NRG1: variants seen among roughly 807,000 people sequenced by gnomAD.
NRG1 encodes the protein neuregulin 1.
A neutral mutation model predicts 63.8 loss-of-function variants in NRG1; 18 were observed. That is an observed-to-expected ratio of 0.28 (90% confidence interval 0.19 to 0.42). The LOEUF is 0.42. Among genes scored for constraint, NRG1 ranks in the 10% least tolerant of loss-of-function variants. The pLI, the probability that NRG1 is intolerant of heterozygous loss-of-function variation, is 1.00. For missense variants in NRG1, 762 were observed against 814.7 expected, an observed-to-expected ratio of 0.94 and a Z score of 0.79; for synonymous variants, 302 against 301.3, an observed-to-expected ratio of 1.00 and a Z score of -0.02.
chr8:32,131,222 A>G (rs1834778075), intron 1 of NRG1, among the ~76,000 whole-genome samples: 3 of 152,092 alleles, frequency 2.0e-5, no homozygotes, highest in African/African-American at 7.2e-5. Flanking sequence ...TTGAAAAATA[A>G]AACATGCTTA....
chr8:32,312,642 C>T (rs796324083), intron 1 of NRG1, among the ~76,000 whole-genome samples: 10 of 152,128 alleles, frequency 6.6e-5, no homozygotes, highest in African/African-American at 2.4e-4. Flanking sequence ...CACGAGAGAC[C>T]GTCTTGCTCC....
exon 1 of NRG1, chr8:32,548,558 C>CGCGCT (rs1332945059): frequency 7.1e-6 from 9 of 1,263,012 alleles, no homozygotes; most frequent in Non-Finnish European, 7.9e-6. Context: ...GCGTCCGCGC[C>CGCGCT]GCGCTCCCTG....
chr8:31,823,406 A>G (rs1824200863), intron 1 of NRG1, among the ~76,000 whole-genome samples: 2 of 151,936 alleles, frequency 1.3e-5, no homozygotes, highest in South Asian at 4.1e-4. Context: ...AATTGTGTGA[A>G]CTATAGTTCA....
Position 31,691,215 on chromosome 8 carries a change from ATCTG to A in NRG1, c.37+51788_37+51791del, listed in dbSNP as rs1358874789. On this transcript the variant is annotated intron_variant, in intron 1 of 10. Transcript: ENST00000519301. ...GTAGCAAATGACAAAGGGGAATTTT[ATCTG>A]TCTATGTAGAATAAATTAAAAGGTG... Among the ~76,000 whole-genome samples the A allele has an allele frequency of 6.6e-5, 10 of 152,208 alleles. 1 individual carries two copies. Among genetic ancestry groups the A allele is most frequent in the Admixed American group, 6.5e-4 (10 of 15,282 alleles).
In NRG1 at chr8:32,074,581, G is replaced by A. The variant is rs145540965; in HGVS notation, c.37+435150G>A. Among the ~76,000 whole-genome samples, 527 of 152,128 alleles carry A rather than the reference G, an allele frequency of 3.5e-3. 7 individuals are homozygous for A. Among genetic ancestry groups the A allele is most frequent in the African/African-American group, 0.012 (495 of 41,530 alleles). On this transcript the variant is annotated intron_variant, in intron 1 of 10. Transcript: ENST00000519301. ...TTCCTCAAGATTCTTAGGGCAGTGC[G>A]TGTGGGTCAGGGGTAGGTGTGTCTG...
intron 1 of NRG1, among the ~76,000 whole-genome samples, chr8:32,138,829 G>A (rs1258754158): frequency 2.0e-5 from 3 of 151,862 alleles, no homozygotes; most frequent in Non-Finnish European, 4.4e-5. Flanking sequence ...CACCCACCTC[G>A]GCCTCCCTAG....
rs993902217 is a variant in NRG1 at position 31,927,452 on chromosome 8, T to A, written c.37+288021T>A. On this transcript the variant is annotated intron_variant, in intron 1 of 10. Coordinates refer to the NRG1 transcript ENST00000519301. ...CAGAGAAAACTACTTTTTTTTTTTTTTTTTTTTTTTTTTTGAGACGGAGTC... is the reference window on the plus strand; with the variant it reads ...CAGAGAAAACTACTTTTTTTTTTTTATTTTTTTTTTTTTTGAGACGGAGTC... Among the ~76,000 whole-genome samples, 984 of 133,094 alleles carry A rather than the reference T, an allele frequency of 7.4e-3. 11 individuals are homozygous for A. Among genetic ancestry groups the A allele is most frequent in the African/African-American group, 0.027 (947 of 35,218 alleles). 87.3% of individuals were successfully genotyped at this position (133,094 alleles called of 152,430 possible).
chr8:32,760,439 G>A, intron 11 of NRG1, 33 bp downstream of exon 11: 1 of 1,611,158 alleles, frequency 6.2e-7, no homozygotes, highest in Non-Finnish European at 8.5e-7. Context: ...CTGCAGAGGA[G>A]AAACTCAGTC....
At position 32,209,911 on chromosome 8, in the gene NRG1, A is replaced by G. The variant is rs568073936; in HGVS notation, c.38-385917A>G. Among the ~76,000 whole-genome samples, 21 of 152,280 alleles carry G rather than the reference A, an allele frequency of 1.4e-4. No individual in the cohort carries two copies. The South Asian group carries it at 4.4e-3, about 32-fold the overall frequency. Reference sequence around the variant, plus strand: ...CCTTCAGCTTCTGGGTCTCTTTGTTATACAGGAAAGGAAGTCAACTGGGGT... The same window carrying G: ...CCTTCAGCTTCTGGGTCTCTTTGTTGTACAGGAAAGGAAGTCAACTGGGGT... On this transcript the variant is annotated intron_variant, in intron 1 of 10. Transcript: ENST00000519301.
chr8:31,895,446 G>A (rs1424411031), intron 1 of NRG1, among the ~76,000 whole-genome samples: 2 of 152,222 alleles, frequency 1.3e-5, no homozygotes, highest in Non-Finnish European at 2.9e-5. Context: ...TGGCTTTGTT[G>A]ATGGTAAAAT....
intron 1 of NRG1, among the ~76,000 whole-genome samples, chr8:32,014,012 G>A (rs1260692344): frequency 6.6e-6 from 1 of 152,122 alleles, no homozygotes; most frequent in African/African-American, 2.4e-5. Flanking sequence ...GATGATGGCT[G>A]TATTTCTCAG....
chr8:32,135,485 G>T (rs1835389541), intron 1 of NRG1, among the ~76,000 whole-genome samples: 1 of 151,978 alleles, frequency 6.6e-6, no homozygotes, highest in Non-Finnish European at 1.5e-5. Context: ...ATTTGTTAAA[G>T]AACTGGCTTA....
intron 1 of NRG1, among the ~76,000 whole-genome samples, chr8:32,264,538 G>A (rs980506376): frequency 6.6e-6 from 1 of 152,172 alleles, no homozygotes; most frequent in Non-Finnish European, 1.5e-5. Context: ...AACCAGCTGT[G>A]AAGACACTGC....
chr8:31,864,295 A>G (rs1020203411), intron 1 of NRG1, among the ~76,000 whole-genome samples: 3 of 152,196 alleles, frequency 2.0e-5, no homozygotes, highest in Non-Finnish European at 4.4e-5. Flanking sequence ...CTTCCCTCAT[A>G]GAGCTTACCT....
chr8:32,472,129 G>A (rs1245674288), intron 1 of NRG1, among the ~76,000 whole-genome samples: 1 of 152,084 alleles, frequency 6.6e-6, no homozygotes, highest in Non-Finnish European at 1.5e-5. Flanking sequence ...GTAGGGAGAG[G>A]GGAATGGGAA....
At chr8:32,694,698 G>A (rs1347330150) in intron 5 of NRG1, among the ~76,000 whole-genome samples, 2 of 152,222 alleles carry the variant, frequency 1.3e-5, no homozygotes, top group Non-Finnish European at 2.9e-5. Context: ...ATGTGTGAGA[G>A]AGAGGGAGAG....
chr8:32,603,479 T>C (rs1340376425), intron 2 of NRG1, among the ~76,000 whole-genome samples: 2 of 152,066 alleles, frequency 1.3e-5, no homozygotes, highest in Non-Finnish European at 2.9e-5. Context: ...GCAGTTAACT[T>C]TTCTTTTTCT....
chr8:31,737,789 A>G (rs906976602), intron 1 of NRG1, among the ~76,000 whole-genome samples: 1 of 152,068 alleles, frequency 6.6e-6, no homozygotes, highest in Non-Finnish European at 1.5e-5. Context: ...CTAGTCCCCT[A>G]AGATTTGACA....
chr8:32,258,558 C>A (rs1172521331), intron 1 of NRG1, among the ~76,000 whole-genome samples: 2 of 152,060 alleles, frequency 1.3e-5, no homozygotes, highest in African/African-American at 2.4e-5. Flanking sequence ...CTAGGGAGGC[C>A]TCAGGAAACG....
Sources: gnomAD v4.1 joint callset for allele counts (sites outside exome capture counted in the v4.1 genomes callset) on GRCh38, gnomAD v4.1.1 for gene constraint, MANE v1.5 for transcripts, NCBI Gene and HGNC (gene_info 2026-07-23, HGNC 2026-07-21) for gene names.